Variants in VAT1L observed in about 807,000 individuals in gnomAD.
The protein encoded by VAT1L is putative NADPH-dependent quinone oxidoreductase VAT1L.
In VAT1L, 34 loss-of-function variants were observed where a neutral mutation model predicts 44.1. The observed-to-expected ratio is 0.77, with a 90% CI of 0.59 to 1.03. VAT1L has a LOEUF of 1.03. Ranked by LOEUF, VAT1L falls within the 50% of genes least tolerant of loss-of-function variation. The pLI is 0.00. For missense variants in VAT1L, 615 were observed against 538.8 expected (o/e 1.14, Z -1.40); for synonymous variants, 253 against 202.2 (o/e 1.25, Z -2.13).
intron 3 of VAT1L, among the ~76,000 whole-genome samples, chr16:77,837,212 G>A (rs368214823): frequency 8.5e-5 from 13 of 152,268 alleles, no homozygotes; most frequent in East Asian, 7.7e-4. Flanking sequence ...GTTAAGGATT[G>A]CCTGGGTTTT....
rs994787930 is a variant in VAT1L at position 77,978,653 on chromosome 16, G to T, written c.*958G>T. 2.0e-5 allele frequency: 3 copies of T among 152,188 alleles called. No homozygotes were observed. The highest frequency in any genetic ancestry group is 6.5e-5 in the Admixed American group (1 of 15,282). 9.4% of individuals were successfully genotyped at this position (152,188 alleles called of 1,614,324 possible). On this transcript the variant is annotated 3_prime_UTR_variant, in exon 9 of 9. Transcript: ENST00000302536. ...AAAGTCAATGAGCATCTCCTTCCTT[G>T]CCAAAGCATGTCCCAACATGTAACA...
At chr16:77,846,855 G>A (rs1035355901) in intron 3 of VAT1L, among the ~76,000 whole-genome samples, 1 of 150,498 alleles carries the variant, frequency 6.6e-6, no homozygotes, top group Non-Finnish European at 1.5e-5. Flanking sequence ...GGTGTATTCA[G>A]TGTGATTCCA....
intron 3 of VAT1L, among the ~76,000 whole-genome samples, chr16:77,837,823 T>C (rs1053190155): frequency 6.6e-6 from 1 of 152,226 alleles, no homozygotes; most frequent in African/African-American, 2.4e-5. Context: ...GGTCTTGTAA[T>C]GGACTTAGAT....
At chr16:77,880,730 C>A (rs1050080646) in intron 6 of VAT1L, among the ~76,000 whole-genome samples, 1 of 150,242 alleles carries the variant, frequency 6.7e-6, no homozygotes, top group South Asian at 2.1e-4. Flanking sequence ...GAGCATAGTA[C>A]CCAATAGTTT....
intron 7 of VAT1L, among the ~76,000 whole-genome samples, chr16:77,945,576 C>T (rs1457558024): frequency 6.6e-6 from 1 of 151,896 alleles, no homozygotes; most frequent in Non-Finnish European, 1.5e-5. Flanking sequence ...AGGTGTTAGC[C>T]ACCACACCTG....
chr16:77,813,379 G>A (rs1418538903), intron 1 of VAT1L, among the ~76,000 whole-genome samples: 1 of 152,150 alleles, frequency 6.6e-6, no homozygotes, highest in African/African-American at 2.4e-5. Flanking sequence ...GTATCTTTTG[G>A]TTTCATATGA....
chr16:77,830,906 A>G (rs2016571850), intron 3 of VAT1L, among the ~76,000 whole-genome samples: 1 of 151,812 alleles, frequency 6.6e-6, no homozygotes, highest in South Asian at 2.1e-4. Context: ...CTGTTCTCGA[A>G]CTCCTGATCT....
chr16:77,927,191 A>T (rs1177512726), intron 7 of VAT1L, among the ~76,000 whole-genome samples: 3 of 151,974 alleles, frequency 2.0e-5, no homozygotes, highest in Non-Finnish European at 4.4e-5. Flanking sequence ...ACAAAAAATT[A>T]GCCAGGTGTG....
At chr16:77,846,659 A>G (rs746594096) in intron 3 of VAT1L, among the ~76,000 whole-genome samples, 1 of 152,166 alleles carries the variant, frequency 6.6e-6, no homozygotes, top group Non-Finnish European at 1.5e-5. Flanking sequence ...TGTTCACTGA[A>G]ATACAGTTTA....
chr16:77,892,370 G>A (rs1271355581), intron 7 of VAT1L: 4 of 367,086 alleles, frequency 1.1e-5, no homozygotes, highest in Non-Finnish European at 2.1e-5. Flanking sequence ...TGAGCACAGT[G>A]TGGGGCAAGG....
intron 3 of VAT1L, among the ~76,000 whole-genome samples, chr16:77,833,741 C>T (rs1019276808): frequency 3.3e-5 from 5 of 150,284 alleles, no homozygotes; most frequent in African/African-American, 9.8e-5. Context: ...CAAAGTGAGA[C>T]TCTGTCTCAA....
chr16:77,975,841 C>G (rs1490138676), intron 8 of VAT1L, among the ~76,000 whole-genome samples: 1 of 152,240 alleles, frequency 6.6e-6, no homozygotes, highest in East Asian at 1.9e-4. Flanking sequence ...TCCTGGCCAT[C>G]TGACCAGTGC....
At chr16:77,848,030 T>A (rs1199061730) in intron 3 of VAT1L, among the ~76,000 whole-genome samples, 1 of 152,154 alleles carries the variant, frequency 6.6e-6, no homozygotes, top group Admixed American at 6.5e-5. Flanking sequence ...GGATTAAACA[T>A]GCTCAGATTG....
At chr16:77,916,495 G>T (rs1449594833) in intron 7 of VAT1L, among the ~76,000 whole-genome samples, 1 of 152,034 alleles carries the variant, frequency 6.6e-6, no homozygotes, top group African/African-American at 2.4e-5. Context: ...TTTATTTGTT[G>T]TTTTAGAGAT....
At chr16:77,914,710 G>C (rs9931132) in intron 7 of VAT1L, among the ~76,000 whole-genome samples, 6,364 of 151,720 alleles carry the variant, frequency 0.042, 464 homozygotes, top group African/African-American at 0.15. Flanking sequence ...TGTTGGGCCG[G>C]TTATTGAAGC....
At chr16:77,862,996 A>G in intron 4 of VAT1L, 106 bp downstream of exon 4, 1 of 1,386,826 alleles carries the variant, frequency 7.2e-7, no homozygotes, top group Non-Finnish European at 9.8e-7. Flanking sequence ...TAGCAAACAT[A>G]TATTGGGGGC....
At chr16:77,898,575 T>C (rs1384068363) in intron 7 of VAT1L, among the ~76,000 whole-genome samples, 2 of 149,646 alleles carry the variant, frequency 1.3e-5, no homozygotes, top group East Asian at 2.0e-4. Flanking sequence ...GGGCCTCCTC[T>C]GTGGGGTTGC....
chr16:77,974,260 C>T (rs1422419662), intron 8 of VAT1L, among the ~76,000 whole-genome samples: 3 of 152,150 alleles, frequency 2.0e-5, no homozygotes, highest in Non-Finnish European at 4.4e-5. Flanking sequence ...CTGTACACCT[C>T]TTTGTAGTCT....
chr16:77,896,846 T>C (rs1204201814), intron 7 of VAT1L, among the ~76,000 whole-genome samples: 1 of 152,204 alleles, frequency 6.6e-6, no homozygotes, highest in African/African-American at 2.4e-5. Flanking sequence ...TTTACGCCTG[T>C]CATTCAGATG....
Sources: allele counts gnomAD v4.1 joint callset (sites outside exome capture counted in the v4.1 genomes callset), GRCh38; gene constraint gnomAD v4.1.1; transcripts MANE v1.5; gene names NCBI Gene and HGNC (gene_info 2026-07-23, HGNC 2026-07-21).